Variants in PRXL2A observed in about 807,000 individuals in gnomAD.
PRXL2A encodes the protein peroxiredoxin-like 2A.
Under a neutral mutation model 25.6 loss-of-function variants are expected in PRXL2A, and 26 were observed. The ratio of observed to expected loss-of-function variants is 1.02; its 90% confidence interval spans 0.74 to 1.41. PRXL2A has a LOEUF of 1.41. Ranked by LOEUF, PRXL2A falls within the 40% of genes most tolerant of loss-of-function variation. The pLI is 0.00. For synonymous variants in PRXL2A, 98 were observed against 102.9 expected, an observed-to-expected ratio of 0.95 and a Z score of 0.29; for missense variants, 246 against 273.9, an observed-to-expected ratio of 0.90 and a Z score of 0.72.
At chr10:80,418,656 T>C (rs1210520873) in intron 1 of PRXL2A, among the ~76,000 whole-genome samples, 6 of 152,172 alleles carry the variant, frequency 3.9e-5, no homozygotes, top group Admixed American at 3.9e-4. Flanking sequence ...TTCCCGGTGA[T>C]CTAAGCACAC....
At chr10:80,411,357 G>T (rs954934375) in intron 1 of PRXL2A, among the ~76,000 whole-genome samples, 1 of 152,226 alleles carries the variant, frequency 6.6e-6, no homozygotes, top group African/African-American at 2.4e-5. Context: ...GATTTCCCAG[G>T]CCCTGTTTAC....
At chr10:80,420,889 C>T (rs2131893879) in intron 2 of PRXL2A, among the ~76,000 whole-genome samples, 1 of 152,294 alleles carries the variant, frequency 6.6e-6, no homozygotes, top group Non-Finnish European at 1.5e-5. Context: ...TGCTGTTTTA[C>T]ATTTTAGCTT....
intron 5 of PRXL2A, among the ~76,000 whole-genome samples, chr10:80,428,490 C>T (rs529611825): frequency 1.3e-5 from 2 of 152,338 alleles, no homozygotes; most frequent in Admixed American, 1.3e-4. Flanking sequence ...ATGGCAAAAT[C>T]CCATCTCTAC....
chr10:80,417,411 G>A (rs184013016), intron 1 of PRXL2A, among the ~76,000 whole-genome samples: 667 of 152,280 alleles, frequency 4.4e-3, no homozygotes, highest in Non-Finnish European at 6.9e-3. Flanking sequence ...TGCGGAAGGG[G>A]GTTGGGTAAG....
upstream of PRXL2A, among the ~76,000 whole-genome samples, chr10:80,408,279 G>T (rs983593582): frequency 2.6e-5 from 4 of 152,214 alleles, no homozygotes; most frequent in Non-Finnish European, 5.9e-5. Context: ...TCCATTAGGG[G>T]TGTCCAGCGC....
At position 80,434,004 on chromosome 10, in the gene PRXL2A, A is replaced by C. The variant is rs952388160; in HGVS notation, c.*1905A>C. On this transcript the variant is annotated 3_prime_UTR_variant, in exon 6 of 6. Transcript: ENST00000606162. ...AAATATTAGACAGACGGGGTGGTAC[A>C]TGCCTGTAATCCCAGCTACTTGGGA... 1 of 152,238 alleles carries C rather than the reference A, an allele frequency of 6.6e-6. No homozygotes were observed. Among genetic ancestry groups the C allele is most frequent in the Admixed American group, 6.5e-5 (1 of 15,278 alleles). The allele number at this position is 152,238 out of a possible 1,614,324, so 9.4% of individuals were successfully genotyped here.
chr10:80,428,857 C>T (rs1209789596), intron 5 of PRXL2A, among the ~76,000 whole-genome samples: 1 of 152,080 alleles, frequency 6.6e-6, no homozygotes, highest in Non-Finnish European at 1.5e-5. Context: ...CATACTCTTC[C>T]CAATTTGGGA....
At chr10:80,429,161 C>A (rs1424061050) in intron 5 of PRXL2A, among the ~76,000 whole-genome samples, 1 of 152,160 alleles carries the variant, frequency 6.6e-6, no homozygotes, top group Non-Finnish European at 1.5e-5. Flanking sequence ...CACGCCTGGC[C>A]TGAGCTTTAT....
chr10:80,413,732 G>A, intron 1 of PRXL2A: 1 of 504,794 alleles, frequency 2.0e-6, no homozygotes, highest in Non-Finnish European at 2.6e-6. Flanking sequence ...GGGTTTCTGG[G>A]TGGCCTGGTC....
intron 1 of PRXL2A, among the ~76,000 whole-genome samples, chr10:80,412,577 G>A (rs1844510615): frequency 6.6e-6 from 1 of 152,162 alleles, no homozygotes; most frequent in African/African-American, 2.4e-5. Context: ...ATTCATTTGT[G>A]CATTGTGCAG....
chr10:80,430,707 A>C (rs941928770), intron 5 of PRXL2A, among the ~76,000 whole-genome samples: 1 of 152,190 alleles, frequency 6.6e-6, no homozygotes, highest in Non-Finnish European at 1.5e-5. Context: ...AGAACATAGA[A>C]GGTGGGGAAA....
intron 2 of PRXL2A, among the ~76,000 whole-genome samples, chr10:80,420,917 T>G (rs529048665): frequency 6.6e-6 from 1 of 152,336 alleles, no homozygotes; most frequent in Non-Finnish European, 1.5e-5. Flanking sequence ...CAAAAGCATT[T>G]CTCATTCTCT....
rs1845312171 is a variant in PRXL2A, at chr10:80,432,774, A to G, written c.*675A>G. 6.6e-6 allele frequency: 1 copy of G among 152,198 alleles called. No individual in the cohort carries two copies. The highest frequency in any genetic ancestry group is 1.5e-5 in the Non-Finnish European group (1 of 68,038). The allele number at this position is 152,198 out of a possible 1,614,324, so 9.4% of individuals were successfully genotyped here. A position where few individuals can be genotyped will look rare whatever the true frequency, so the allele number is the denominator to read the frequency against. On this transcript the variant is annotated 3_prime_UTR_variant, in exon 6 of 6. Transcript: ENST00000606162. Reference sequence around the variant, plus strand: ...AGTTGATGATTGACTTGAAGATTACAAAATTTAAGGTTTTTTGGCATGTGT... The same window carrying G: ...AGTTGATGATTGACTTGAAGATTACGAAATTTAAGGTTTTTTGGCATGTGT...
intron 1 of PRXL2A, among the ~76,000 whole-genome samples, chr10:80,410,575 T>G (rs1445872036): frequency 6.6e-6 from 1 of 152,282 alleles, no homozygotes; most frequent in Non-Finnish European, 1.5e-5. Flanking sequence ...TAATGCTGCT[T>G]TGCCGTTTTC....
intron 1 of PRXL2A, among the ~76,000 whole-genome samples, chr10:80,418,310 G>C (rs1844740226): frequency 6.6e-6 from 1 of 152,116 alleles, no homozygotes. Context: ...TAGGATGATG[G>C]TCTCCAGCTC....
chr10:80,423,694 T>G (rs1844939817), intron 3 of PRXL2A, among the ~76,000 whole-genome samples: 2 of 152,252 alleles, frequency 1.3e-5, no homozygotes, highest in African/African-American at 4.8e-5. Flanking sequence ...ACTCTCATTT[T>G]ATTATTCTCA....
chr10:80,421,309 C>T lies in PRXL2A; in HGVS notation c.178+664C>T, dbSNP rs111488586. 9.5e-3 allele frequency among the ~76,000 whole-genome samples: 1,446 copies of T among 152,230 alleles called. 27 individuals carry two copies. The highest frequency in any genetic ancestry group is 0.034 in the African/African-American group (1,394 of 41,516). On this transcript the variant is annotated intron_variant, in intron 2 of 5. Transcript: ENST00000606162. The stretch of plus-strand genomic sequence containing the variant: ...TTGTGGACAGCTTAGAGCCACACAC[C>T]CAAATGTGTTAGCTCTGCCTCCTTG...
In PRXL2A at chr10:80,434,163, C is replaced by T. The variant is rs1292143077; in HGVS notation, c.*2064C>T. On this transcript the variant is annotated 3_prime_UTR_variant, in exon 6 of 6. Transcript: ENST00000606162. Reference sequence around the variant, plus strand: ...AAAAAAACCTGAGAGGACATTGCACCAATGGAGATGCATCAAGAGAAACAT... The same window carrying T: ...AAAAAAACCTGAGAGGACATTGCACTAATGGAGATGCATCAAGAGAAACAT... 1.3e-5 allele frequency: 2 copies of T among 152,030 alleles called. No homozygotes were observed. The highest frequency in any genetic ancestry group is 3.9e-4 in the East Asian group (2 of 5,180). 9.4% of individuals were successfully genotyped at this position (152,030 alleles called of 1,614,324 possible).
intron 1 of PRXL2A, among the ~76,000 whole-genome samples, chr10:80,410,738 C>T (rs1844453185): frequency 6.6e-6 from 1 of 152,150 alleles, no homozygotes; most frequent in Admixed American, 6.5e-5. Context: ...GGCTTTTAGC[C>T]CAGTGTCTTC....
Sources: allele counts gnomAD v4.1 joint callset (sites outside exome capture counted in the v4.1 genomes callset), GRCh38; gene constraint gnomAD v4.1.1; transcripts MANE v1.5; gene names NCBI Gene and HGNC (gene_info 2026-07-23, HGNC 2026-07-21).